The following CCDC63 variants were observed in gnomAD, a reference collection of about 807,000 sequenced individuals.
CCDC63 encodes the protein coiled-coil domain-containing protein 63.
A neutral mutation model predicts 63.6 loss-of-function variants in CCDC63; 54 were observed. The observed-to-expected ratio is 0.85, with a 90% CI of 0.68 to 1.07. The LOEUF is 1.07. CCDC63 is among the 50% of genes least tolerant of loss of function. The probability of loss-of-function intolerance (pLI) is 0.00; values close to 1 mark genes in which losing one functional copy is unlikely to be tolerated. For missense variants in CCDC63, 637 were observed against 689.6 expected (o/e 0.92, Z 0.86); for synonymous variants, 253 against 266.1 (o/e 0.95, Z 0.48).
intron 1 of CCDC63, among the ~76,000 whole-genome samples, chr12:110,847,626 AAAC>A (rs1437823529): frequency 4.6e-5 from 7 of 152,156 alleles, no homozygotes; most frequent in African/African-American, 1.7e-4. Context: ...AAAAAACAAA[AAAC>A]AAAACAAACA....
rs1264089583 is a variant in CCDC63 at position 110,879,912 on chromosome 12, G to A, written c.496G>A (p.Val166Ile). 1 of 1,614,100 alleles carries A rather than the reference G, an allele frequency of 6.2e-7. No homozygotes were observed. Residue 166 changes from valine to isoleucine, a missense_variant, in exon 6 of 12, where the codon GTT (valine) becomes ATT (isoleucine). Coordinates refer to ENST00000308208, the MANE Select transcript of CCDC63 (RefSeq NM_152591.3). Reference protein sequence around the residue: ...ILETRLNLVTVHFDKMLTTNA... With the variant: ...ILETRLNLVTIHFDKMLTTNA... The stretch of plus-strand genomic sequence containing the variant: ...AGCATGGCCCTTTCAACAGGTCACT[G>A]TTCACTTTGACAAGATGCTGACCAC...
intron 5 of CCDC63, among the ~76,000 whole-genome samples, chr12:110,876,763 G>A (rs2071135555): frequency 6.6e-6 from 1 of 151,840 alleles, no homozygotes; most frequent in African/African-American, 2.4e-5. Flanking sequence ...ACCAGATGTG[G>A]TGGCTCACAT....
At chr12:110,850,597 C>T (rs909562412) in intron 1 of CCDC63, among the ~76,000 whole-genome samples, 7 of 152,190 alleles carry the variant, frequency 4.6e-5, no homozygotes, top group South Asian at 2.1e-4. Flanking sequence ...CAAAATTAGC[C>T]GGGCATGGTG....
chr12:110,873,235 C>G (rs974020851), intron 4 of CCDC63, among the ~76,000 whole-genome samples: 2 of 151,750 alleles, frequency 1.3e-5, no homozygotes, highest in African/African-American at 2.4e-5. Context: ...GACCCTGTCT[C>G]AAAAAACAAA....
At chr12:110,898,569 G>T (rs1444525807) in intron 9 of CCDC63, among the ~76,000 whole-genome samples, 1 of 147,544 alleles carries the variant, frequency 6.8e-6, no homozygotes, top group African/African-American at 2.5e-5. Flanking sequence ...AGTGAGCTGA[G>T]ATCATGCCAC....
intron 10 of CCDC63, among the ~76,000 whole-genome samples, chr12:110,899,506 G>T (rs944093080): frequency 5.9e-5 from 9 of 151,894 alleles, no homozygotes; most frequent in African/African-American, 2.2e-4. Context: ...TTTTTGTAGA[G>T]ACAGGATCTT....
Sources: gnomAD v4.1 joint callset for allele counts (sites outside exome capture counted in the v4.1 genomes callset) on GRCh38, gnomAD v4.1.1 for gene constraint, MANE v1.5 for transcripts, NCBI Gene and HGNC (gene_info 2026-07-23, HGNC 2026-07-21) for gene names.